EGFLAM: variants seen among roughly 807,000 people sequenced by gnomAD.
EGFLAM encodes EGF like, fibronectin type III and laminin G domains.
In EGFLAM, 79 loss-of-function variants were observed where a neutral mutation model predicts 113.1. That is an observed-to-expected ratio of 0.70 (90% CI 0.58 to 0.84). The LOEUF is 0.84. Among genes scored for constraint, EGFLAM ranks in the 40% least tolerant of loss-of-function variants. EGFLAM has a pLI of 0.00. For synonymous variants in EGFLAM, 504 were observed against 487.6 expected (o/e 1.03, Z -0.44); for missense variants, 1,265 against 1,291.6 (o/e 0.98, Z 0.32).
intron 5 of EGFLAM, among the ~76,000 whole-genome samples, chr5:38,361,094 G>A (rs1219402666): frequency 1.3e-5 from 2 of 149,246 alleles, no homozygotes; most frequent in African/African-American, 2.5e-5. Flanking sequence ...TTGAACTCCT[G>A]ACCTCAAGTG....
intron 7 of EGFLAM, among the ~76,000 whole-genome samples, chr5:38,406,586 G>C (rs1001994952): frequency 6.6e-6 from 1 of 152,168 alleles, no homozygotes; most frequent in Non-Finnish European, 1.5e-5. Flanking sequence ...ATTGTAATAA[G>C]AATAAATAAT....
At chr5:38,302,973 T>A (rs573087238) in intron 1 of EGFLAM, among the ~76,000 whole-genome samples, 2 of 152,300 alleles carry the variant, frequency 1.3e-5, no homozygotes, top group South Asian at 4.1e-4. Context: ...TTCTGGATTC[T>A]TAGAATACCC....
intron 16 of EGFLAM, among the ~76,000 whole-genome samples, chr5:38,437,586 C>G (rs1268153695): frequency 1.3e-5 from 2 of 152,156 alleles, no homozygotes. Flanking sequence ...GACTTGGTCT[C>G]ACCTTCAGAG....
At position 38,463,788 on chromosome 5, in the gene EGFLAM, A is replaced by C. The variant is rs778249050; in HGVS notation, c.2876-44A>C. 16 of 1,604,880 alleles carry C rather than the reference A, an allele frequency of 1.0e-5. No individual in the cohort carries two copies. The South Asian group carries it at 1.5e-4, about 15-fold the overall frequency. ...GGAACCCCGACCTTGCCCTGCGGAC[A>C]CCTGTCCTTTGGCTCACCTCATCTC... is the stretch of plus-strand genomic sequence containing the variant. On this transcript the variant is annotated intron_variant, in intron 21 of 21. Coordinates refer to ENST00000322350, the MANE Select transcript of EGFLAM (RefSeq NM_152403.4).
At chr5:38,391,221 C>G (rs1740800929) in intron 6 of EGFLAM, among the ~76,000 whole-genome samples, 1 of 152,032 alleles carries the variant, frequency 6.6e-6, no homozygotes, top group African/African-American at 2.4e-5. Context: ...TCCCCAGCAC[C>G]AAGTATTAAA....
rs150661120 is a variant in EGFLAM at position 38,299,737 on chromosome 5, C to T, written c.98-37783C>T. On this transcript the variant is annotated intron_variant, in intron 1 of 21. Transcript: ENST00000322350. ...AAGAGCATGACGTCTCCCCCACTCTCTCTTGCTCCTGCCCTCACTAGATAA... is the reference window on the plus strand; with the variant it reads ...AAGAGCATGACGTCTCCCCCACTCTTTCTTGCTCCTGCCCTCACTAGATAA... Among the ~76,000 whole-genome samples the T allele has an allele frequency of 1.1e-3, 169 of 152,302 alleles. 2 individuals are homozygous for T. Among genetic ancestry groups the T allele is most frequent in the African/African-American group, 3.8e-3 (159 of 41,560 alleles).
intron 1 of EGFLAM, chr5:38,286,200 C>G (rs1473814845): frequency 2.6e-5 from 4 of 152,140 alleles, no homozygotes; most frequent in African/African-American, 4.8e-5. Flanking sequence ...CTCTTAACAT[C>G]CGTTTGAAGT....
rs1579969801 is a variant in EGFLAM at position 38,463,869 on chromosome 5, A to G, written c.2913A>G (p.Gln971=). 6.2e-7 allele frequency: 1 copy of G among 1,614,048 alleles called. No homozygotes were observed. Among genetic ancestry groups the G allele is most frequent in the Admixed American group, 1.7e-5 (1 of 60,000 alleles). The part of the protein sequence containing the change: ...MKEIALHTNR[Q]YMRGLVGCIS... ...AAATTGCTCTGCACACTAACAGGCA[A>G]TATATGAGAGGGCTCGTGGGCTGTA... Residue 971 remains glutamine (Q), a synonymous_variant, in exon 22 of 22, where the codon CAA becomes CAG. Transcript: ENST00000322350.
At chr5:38,380,513 T>C (rs941241558) in intron 6 of EGFLAM, among the ~76,000 whole-genome samples, 2 of 152,200 alleles carry the variant, frequency 1.3e-5, no homozygotes, top group African/African-American at 2.4e-5. Flanking sequence ...GAAAGGCCAA[T>C]GAGTCAGTGA....
intron 11 of EGFLAM, among the ~76,000 whole-genome samples, chr5:38,412,921 A>G (rs1741530371): frequency 6.6e-6 from 1 of 152,214 alleles, no homozygotes; most frequent in South Asian, 2.1e-4. Context: ...GTTGGTGCAT[A>G]GGTCCATGTT....
intron 10 of EGFLAM, among the ~76,000 whole-genome samples, chr5:38,411,572 T>A (rs1741481591): frequency 7.3e-6 from 1 of 136,614 alleles, no homozygotes; most frequent in Non-Finnish European, 1.5e-5. Context: ...AACCTCCACC[T>A]CCTGGGTTCA....
chr5:38,368,655 C>T (rs1740128214), intron 5 of EGFLAM, among the ~76,000 whole-genome samples: 1 of 152,164 alleles, frequency 6.6e-6, no homozygotes, highest in Non-Finnish European at 1.5e-5. Flanking sequence ...TGTTTAACAA[C>T]AGAACACCTG....
intron 3 of EGFLAM, among the ~76,000 whole-genome samples, chr5:38,339,472 C>G (rs1739278670): frequency 6.6e-6 from 1 of 152,160 alleles, no homozygotes; most frequent in African/African-American, 2.4e-5. Flanking sequence ...GGTGGTGGTG[C>G]TAACTCCTGT....
intron 20 of EGFLAM, 72 bp from the exon 21 acceptor site, chr5:38,462,836 A>AAATG (rs1743333450): frequency 6.6e-7 from 1 of 1,514,950 alleles, no homozygotes; most frequent in Middle Eastern, 1.7e-4. Flanking sequence ...ATTTGTATTG[A>AAATG]AATGAATGAA....
intron 5 of EGFLAM, among the ~76,000 whole-genome samples, chr5:38,362,686 A>T (rs180930130): frequency 1.3e-5 from 2 of 152,248 alleles, no homozygotes; most frequent in East Asian, 3.9e-4. Context: ...TCTTTTCCTT[A>T]CCTTTAGTTT....
At chr5:38,424,040 C>T (rs1483886654) in intron 12 of EGFLAM, among the ~76,000 whole-genome samples, 2 of 152,146 alleles carry the variant, frequency 1.3e-5, no homozygotes, top group Non-Finnish European at 2.9e-5. Flanking sequence ...CAGCTGGACC[C>T]TTCACTTCCA....
chr5:38,408,946 T>G (rs1224817660), intron 9 of EGFLAM, 58 bp from the exon 10 acceptor site: 2 of 1,381,372 alleles, frequency 1.4e-6, no homozygotes, highest in East Asian at 2.5e-5. Flanking sequence ...TTCCAGGTGG[T>G]GCCTTAAGGA....
chr5:38,433,554 G>T (rs973418960), intron 15 of EGFLAM, among the ~76,000 whole-genome samples: 1 of 152,302 alleles, frequency 6.6e-6, no homozygotes. Flanking sequence ...GGAGGGTGCT[G>T]CATGACGATT....
chr5:38,438,515 T>C (rs78031019), intron 17 of EGFLAM, 60 bp downstream of exon 17: 119,569 of 1,444,274 alleles, frequency 0.083, 5,502 homozygotes, highest in Non-Finnish European at 0.095. Context: ...GGACAGCCAA[T>C]TGGGGGACCA....
Sources: gnomAD v4.1 joint callset for allele counts (sites outside exome capture counted in the v4.1 genomes callset) on GRCh38, gnomAD v4.1.1 for gene constraint, MANE v1.5 for transcripts, NCBI Gene and HGNC (gene_info 2026-07-23, HGNC 2026-07-21) for gene names.